FSTL5: variants seen among roughly 807,000 people sequenced by gnomAD.
The protein encoded by FSTL5 is follistatin like 5, also known as follistatin-related protein 5.
In FSTL5, 62 loss-of-function variants were observed where a neutral mutation model predicts 89.1. The ratio of observed to expected loss-of-function variants is 0.70; its 90% CI spans 0.57 to 0.86. FSTL5 has a LOEUF of 0.86. Among genes scored for constraint, FSTL5 ranks in the 40% least tolerant of loss-of-function variants. FSTL5 has a pLI of 0.00. For synonymous variants in FSTL5, 383 were observed against 346.2 expected, an observed-to-expected ratio of 1.11 and a Z score of -1.18; for missense variants, 1,057 against 1,001.6, an observed-to-expected ratio of 1.06 and a Z score of -0.75.
At chr4:161,992,621 T>A (rs954092126) in intron 3 of FSTL5, among the ~76,000 whole-genome samples, 7 of 151,488 alleles carry the variant, frequency 4.6e-5, no homozygotes, top group African/African-American at 1.5e-4. Flanking sequence ...GACAGGCGGA[T>A]CACTGGAGGT....
In FSTL5 at chr4:162,026,784, C is replaced by A. The variant is rs765347046; in HGVS notation, c.160+6841G>T. On this transcript the variant is annotated intron_variant, in intron 3 of 15. Transcript: ENST00000306100. The stretch of plus-strand genomic sequence containing the variant: ...AATACCATTCATTTTATATCCAATG[C>A]AGATTTCAACAAATTCATTATTTAT... Among the ~76,000 whole-genome samples, 221 of 152,056 alleles carry A rather than the reference C, an allele frequency of 1.5e-3. 5 individuals carry two copies. The highest frequency in any genetic ancestry group is 3.7e-4 in the Non-Finnish European group (25 of 68,000).
chr4:161,516,344 T>C (rs1030988253), intron 10 of FSTL5, among the ~76,000 whole-genome samples: 1 of 146,244 alleles, frequency 6.8e-6, no homozygotes, highest in Non-Finnish European at 1.5e-5. Flanking sequence ...ATATAATAAA[T>C]TCAGGCTTAA....
At chr4:161,876,061 T>C (rs576183999) in intron 4 of FSTL5, among the ~76,000 whole-genome samples, 1 of 152,352 alleles carries the variant, frequency 6.6e-6, no homozygotes, top group African/African-American at 2.4e-5. Context: ...GATGTAAAGA[T>C]ATAAAATTTG....
chr4:161,552,873 T>C (rs891974086), intron 8 of FSTL5, among the ~76,000 whole-genome samples: 3 of 151,700 alleles, frequency 2.0e-5, no homozygotes, highest in Non-Finnish European at 3.0e-5. Context: ...GATGGCAGCC[T>C]GAATTAAAAA....
chr4:162,024,460 T>A (rs1182288986), intron 3 of FSTL5, among the ~76,000 whole-genome samples: 1 of 152,204 alleles, frequency 6.6e-6, no homozygotes. Flanking sequence ...GTAACCTTCA[T>A]TATCTGATGC....
intron 7 of FSTL5, among the ~76,000 whole-genome samples, chr4:161,645,332 C>T (rs114875644): frequency 0.048 from 7,330 of 152,014 alleles, 577 homozygotes; most frequent in African/African-American, 0.17. Context: ...ATTTTAGAAA[C>T]TAAACTTAAA....
At chr4:161,587,597 A>C in intron 7 of FSTL5, 22 bp from the exon 8 acceptor site, 1 of 1,565,786 alleles carries the variant, frequency 6.4e-7, no homozygotes, top group Non-Finnish European at 8.7e-7. Context: ...AAAATAAAAC[A>C]AGGTGTTTGC....
chr4:161,938,513 A>G (rs1460528159), intron 3 of FSTL5, among the ~76,000 whole-genome samples: 1 of 152,064 alleles, frequency 6.6e-6, no homozygotes, highest in Non-Finnish European at 1.5e-5. Context: ...AATTGTTTCT[A>G]TGAGAAATAT....
At chr4:161,689,033 T>C (rs2126717213) in intron 6 of FSTL5, among the ~76,000 whole-genome samples, 1 of 152,320 alleles carries the variant, frequency 6.6e-6, no homozygotes, top group Non-Finnish European at 1.5e-5. Context: ...TAAGTTTTGT[T>C]GGGAAGCATT....
intron 6 of FSTL5, among the ~76,000 whole-genome samples, chr4:161,681,199 G>A (rs1036137001): frequency 3.3e-5 from 5 of 151,998 alleles, no homozygotes; most frequent in African/African-American, 1.2e-4. Context: ...AACTAAATAT[G>A]TTTAAATACT....
At chr4:161,963,201 A>G (rs1735229904) in intron 3 of FSTL5, among the ~76,000 whole-genome samples, 1 of 152,012 alleles carries the variant, frequency 6.6e-6, no homozygotes. Flanking sequence ...GATTCAAAAT[A>G]TCTATGAAAT....
At chr4:161,513,180 AAAG>A (rs1222333555) in intron 10 of FSTL5, among the ~76,000 whole-genome samples, 3 of 151,980 alleles carry the variant, frequency 2.0e-5, no homozygotes, top group Non-Finnish European at 4.4e-5. Flanking sequence ...CATATCAAAA[AAAG>A]AAAATTAACC....
intron 13 of FSTL5, 88 bp from the exon 14 acceptor site, chr4:161,459,407 T>C (rs1733481370): frequency 2.7e-6 from 2 of 734,042 alleles, no homozygotes; most frequent in East Asian, 5.3e-5. Context: ...CTAATTTAGA[T>C]GTCAGATTAA....
At chr4:161,691,062 T>C (rs769483667) in intron 6 of FSTL5, among the ~76,000 whole-genome samples, 1 of 152,180 alleles carries the variant, frequency 6.6e-6, no homozygotes, top group Non-Finnish European at 1.5e-5. Context: ...AATTCCAATT[T>C]ATCTATTTTT....
chr4:162,026,976 G>A (rs1268115881), intron 3 of FSTL5, among the ~76,000 whole-genome samples: 5 of 152,098 alleles, frequency 3.3e-5, no homozygotes, highest in South Asian at 2.1e-4. Context: ...AAAATTTATT[G>A]GTGGTAACCT....
At chr4:161,438,712 TTGA>T (rs140550516) in intron 15 of FSTL5, among the ~76,000 whole-genome samples, 46 of 152,284 alleles carry the variant, frequency 3.0e-4, no homozygotes, top group African/African-American at 1.1e-3. Context: ...TAAAATTAAA[TTGA>T]TGAATCAAAT....
intron 2 of FSTL5, among the ~76,000 whole-genome samples, chr4:162,099,749 A>T (rs962671009): frequency 9.2e-5 from 14 of 152,264 alleles, no homozygotes; most frequent in African/African-American, 3.4e-4. Context: ...CAACCCAATT[A>T]TAAAATGGGC....
At chr4:161,665,460 C>G (rs1197656237) in intron 6 of FSTL5, among the ~76,000 whole-genome samples, 1 of 152,084 alleles carries the variant, frequency 6.6e-6, no homozygotes, top group Admixed American at 6.5e-5. Context: ...GTCTCGATCT[C>G]CTGACCTCGT....
intron 13 of FSTL5, among the ~76,000 whole-genome samples, chr4:161,468,202 T>C (rs1733811632): frequency 6.6e-6 from 1 of 151,974 alleles, no homozygotes. Flanking sequence ...CCCCACTACA[T>C]ACTACTGCCT....
Sources: gnomAD v4.1 joint callset for allele counts (sites outside exome capture counted in the v4.1 genomes callset) on GRCh38, gnomAD v4.1.1 for gene constraint, MANE v1.5 for transcripts, NCBI Gene and HGNC (gene_info 2026-07-23, HGNC 2026-07-21) for gene names.